Variants in WDR70 observed in about 807,000 individuals in gnomAD.
The protein encoded by WDR70 is WD repeat-containing protein 70.
Under a neutral mutation model 88.6 loss-of-function variants are expected in WDR70, and 53 were observed. That is an observed-to-expected ratio of 0.60 (90% CI 0.48 to 0.75). The LOEUF (loss-of-function observed/expected upper bound fraction) is 0.75. Ranked by LOEUF, WDR70 falls within the 30% of genes least tolerant of loss-of-function variation. The pLI is 0.00. For synonymous variants in WDR70, 280 were observed against 270.0 expected (o/e 1.04, Z -0.36); for missense variants, 610 against 823.2 (o/e 0.74, Z 3.17).
chr5:37,560,835 CAG>C (rs1330787343), intron 9 of WDR70, among the ~76,000 whole-genome samples: 1 of 127,244 alleles, frequency 7.9e-6, no homozygotes, highest in Non-Finnish European at 1.6e-5. Flanking sequence ...TTTTAAGAGA[CAG>C]AGTCTTGCTC....
At chr5:37,622,902 G>C (rs10059214) in intron 10 of WDR70, among the ~76,000 whole-genome samples, 16,310 of 151,946 alleles carry the variant, frequency 0.11, 2,826 homozygotes, top group African/African-American at 0.37. Flanking sequence ...AATAAAAAAA[G>C]AAACATTCTA....
chr5:37,509,510 G>A (rs1224049839), intron 8 of WDR70, among the ~76,000 whole-genome samples: 1 of 151,874 alleles, frequency 6.6e-6, no homozygotes, highest in African/African-American at 2.4e-5. Flanking sequence ...GTAGGCATGA[G>A]CCATCACACC....
At chr5:37,689,640 A>G (rs1412239318) in intron 10 of WDR70, among the ~76,000 whole-genome samples, 7 of 152,228 alleles carry the variant, frequency 4.6e-5, no homozygotes, top group African/African-American at 1.2e-4. Context: ...AAGGAAAACT[A>G]ACAAACAGAA....
intron 17 of WDR70, among the ~76,000 whole-genome samples, chr5:37,736,456 T>A (rs1345895922): frequency 6.6e-6 from 1 of 152,148 alleles, no homozygotes; most frequent in Non-Finnish European, 1.5e-5. Context: ...TATGTGTTAT[T>A]TGTGTCAGGA....
chr5:37,526,214 C>T (rs1057069986), intron 9 of WDR70, among the ~76,000 whole-genome samples: 3 of 152,150 alleles, frequency 2.0e-5, no homozygotes, highest in South Asian at 2.1e-4. Flanking sequence ...CCCTGATGAA[C>T]ATCAATGCAA....
At chr5:37,443,167 C>G in intron 6 of WDR70, 72 bp from the exon 7 acceptor site, 3 of 1,496,400 alleles carry the variant, frequency 2.0e-6, no homozygotes, top group Non-Finnish European at 2.7e-6. Flanking sequence ...GATTAAAGAA[C>G]AGAAATGGGA....
chr5:37,693,586 A>G (rs1746882899), intron 10 of WDR70, among the ~76,000 whole-genome samples: 1 of 152,264 alleles, frequency 6.6e-6, no homozygotes. Flanking sequence ...GACAAACCTG[A>G]CAAAAACAAG....
intron 9 of WDR70, among the ~76,000 whole-genome samples, chr5:37,547,284 G>A (rs1742027139): frequency 6.6e-6 from 1 of 152,104 alleles, no homozygotes; most frequent in African/African-American, 2.4e-5. Flanking sequence ...TCCATATTGT[G>A]GACTTTGCAG....
intron 10 of WDR70, among the ~76,000 whole-genome samples, chr5:37,696,188 T>G (rs1035490903): frequency 6.6e-6 from 1 of 152,144 alleles, no homozygotes; most frequent in African/African-American, 2.4e-5. Context: ...ACAGTTGATA[T>G]CCAATAAAAA....
At chr5:37,600,458 C>T (rs905272203) in intron 9 of WDR70, among the ~76,000 whole-genome samples, 3 of 143,038 alleles carry the variant, frequency 2.1e-5, no homozygotes, top group Non-Finnish European at 4.5e-5. Context: ...ACCCGCAAGG[C>T]GGAGCTTGCA....
chr5:37,415,618 C>G (rs1487385866), intron 5 of WDR70, among the ~76,000 whole-genome samples: 2 of 147,670 alleles, frequency 1.4e-5, no homozygotes, highest in African/African-American at 5.0e-5. Context: ...GGGGCTGACC[C>G]CCCCCACCTC....
intron 12 of WDR70, 141 bp from the exon 13 acceptor site, chr5:37,702,808 T>A: frequency 1.3e-6 from 1 of 779,910 alleles, no homozygotes; most frequent in Non-Finnish European, 1.9e-6. Context: ...TTGTGACGAT[T>A]AAACAAATTA....
At chr5:37,741,189 A>G (rs1473647401) in intron 17 of WDR70, among the ~76,000 whole-genome samples, 1 of 150,324 alleles carries the variant, frequency 6.7e-6, no homozygotes, top group East Asian at 2.0e-4. Flanking sequence ...TTTTTGTCCC[A>G]GGAAGGGGAT....
At chr5:37,387,385 A>G (rs1038327501) in intron 3 of WDR70, among the ~76,000 whole-genome samples, 6 of 152,196 alleles carry the variant, frequency 3.9e-5, no homozygotes, top group Non-Finnish European at 5.9e-5. Flanking sequence ...ATTTTACCTA[A>G]GAGGAACTTG....
At chr5:37,516,477 A>G in intron 8 of WDR70, 37 bp from the exon 9 acceptor site, 1 of 1,380,436 alleles carries the variant, frequency 7.2e-7, no homozygotes, top group African/African-American at 1.4e-5. Context: ...TTACCTTTTT[A>G]AAACATCTTT....
chr5:37,703,615 AAC>A (rs1747233228), intron 13 of WDR70, among the ~76,000 whole-genome samples: 1 of 152,216 alleles, frequency 6.6e-6, no homozygotes, highest in Admixed American at 6.5e-5. Flanking sequence ...ACCTTAAAAA[AAC>A]ACATTAGTTT....
Position 37,665,968 on chromosome 5 carries a change from G to A in WDR70, c.1093-31687G>A, listed in dbSNP as rs114391002. Reference sequence around the variant, plus strand: ...TCCGTCACTTGAACTGGCTGCCAGCGTTCACAGACAGCTGGGGAGAGAGTG... The same window carrying A: ...TCCGTCACTTGAACTGGCTGCCAGCATTCACAGACAGCTGGGGAGAGAGTG... On this transcript the variant is annotated intron_variant, in intron 10 of 17. Coordinates refer to ENST00000265107, the MANE Select transcript of WDR70 (RefSeq NM_018034.4). Among the ~76,000 whole-genome samples the A allele has an allele frequency of 4.8e-3, 734 of 152,258 alleles. 9 individuals are homozygous for A. Among genetic ancestry groups the A allele is most frequent in the African/African-American group, 0.017 (696 of 41,544 alleles).
At chr5:37,530,458 TTTA>T (rs571749044) in intron 9 of WDR70, among the ~76,000 whole-genome samples, 180 of 152,194 alleles carry the variant, frequency 1.2e-3, no homozygotes, top group South Asian at 5.0e-3. Flanking sequence ...GGCAATTTTT[TTTA>T]TTACCACTTC....
At chr5:37,696,024 A>T (rs1301567072) in intron 10 of WDR70, among the ~76,000 whole-genome samples, 1 of 152,118 alleles carries the variant, frequency 6.6e-6, no homozygotes, top group Non-Finnish European at 1.5e-5. Flanking sequence ...GGACCTTCTC[A>T]GTGCTCACGT....
Sources: gnomAD v4.1 joint callset for allele counts (sites outside exome capture counted in the v4.1 genomes callset) on GRCh38, gnomAD v4.1.1 for gene constraint, MANE v1.5 for transcripts, NCBI Gene and HGNC (gene_info 2026-07-23, HGNC 2026-07-21) for gene names.